SGIP1: variants seen among roughly 807,000 people sequenced by gnomAD.
SGIP1 encodes the protein SH3GL interacting endocytic adaptor 1, also known as SH3-containing GRB2-like protein 3-interacting protein 1.
In SGIP1, 38 loss-of-function variants were observed where a neutral mutation model predicts 107.5. The observed-to-expected ratio is 0.35, with a 90% CI of 0.27 to 0.46. The LOEUF (loss-of-function observed/expected upper bound fraction) is 0.46. Among genes scored for constraint, SGIP1 ranks in the 20% least tolerant of loss-of-function variants. The probability of loss-of-function intolerance (pLI) is 1.00; values close to 1 mark genes in which losing one functional copy is unlikely to be tolerated. For missense variants in SGIP1, 929 were observed against 1,019.5 expected (o/e 0.91, Z 1.21); for synonymous variants, 365 against 366.1 (o/e 1.00, Z 0.03).
At position 66,611,671 on chromosome 1, in the gene SGIP1, G is replaced by A. The variant is rs539392420; in HGVS notation, c.11-14176G>A. On this transcript the variant is annotated intron_variant, in intron 1 of 24. Coordinates refer to ENST00000371037, the MANE Select transcript of SGIP1 (RefSeq NM_032291.4). ...AAGGTGATAGCTTCATGCGATGGGA[G>A]AAGTCTATGTGAACAGATCGGATGG... Among the ~76,000 whole-genome samples, 61 of 152,208 alleles carry A rather than the reference G, an allele frequency of 4.0e-4. 1 individual carries two copies. Among genetic ancestry groups the A allele is most frequent in the Non-Finnish European group, 6.3e-4 (43 of 68,040 alleles).
intron 2 of SGIP1, among the ~76,000 whole-genome samples, chr1:66,630,677 A>G (rs2074080460): frequency 6.6e-6 from 1 of 150,430 alleles, no homozygotes; most frequent in Non-Finnish European, 1.5e-5. Flanking sequence ...GTGGTGATGC[A>G]TGCCTATAAT....
At chr1:66,700,370 CAA>C (rs34109375) in intron 18 of SGIP1, among the ~76,000 whole-genome samples, 6 of 82,956 alleles carry the variant, frequency 7.2e-5, no homozygotes, top group African/African-American at 1.4e-4. Context: ...GACTCCATCT[CAA>C]AAAAAAAAAA....
At chr1:66,584,128 G>A (rs1467307589) in intron 1 of SGIP1, among the ~76,000 whole-genome samples, 2 of 151,948 alleles carry the variant, frequency 1.3e-5, no homozygotes, top group East Asian at 1.9e-4. Context: ...TGTTGGTTTG[G>A]TGTCTACTTC....
chr1:66,626,934 A>G (rs1189774030), intron 2 of SGIP1, among the ~76,000 whole-genome samples: 2 of 152,152 alleles, frequency 1.3e-5, no homozygotes, highest in African/African-American at 4.8e-5. Context: ...TTCATTCTGT[A>G]TATTTTTATC....
At chr1:66,541,210 G>A (rs985295346) in intron 1 of SGIP1, among the ~76,000 whole-genome samples, 15 of 152,296 alleles carry the variant, frequency 9.8e-5, no homozygotes, top group Middle Eastern at 3.4e-3. Context: ...ATTCTGTATC[G>A]AATGCACACT....
intron 7 of SGIP1, among the ~76,000 whole-genome samples, chr1:66,659,960 AAGAAAGAAAG>A (rs1236357528): frequency 1.5e-4 from 6 of 41,076 alleles, no homozygotes; most frequent in Non-Finnish European, 2.0e-4. Flanking sequence ...AAAAGAAAGA[AAGAAAGAAAG>A]AAAGAAAGAA....
At chr1:66,711,805 A>C (rs603750) in intron 18 of SGIP1, among the ~76,000 whole-genome samples, 1 of 150,234 alleles carries the variant, frequency 6.7e-6, no homozygotes, top group East Asian at 1.9e-4. Flanking sequence ...TTGTGTTTTC[A>C]GGGTGACTGT....
chr1:66,693,009 T>G (rs2090195496), intron 17 of SGIP1, among the ~76,000 whole-genome samples: 1 of 152,194 alleles, frequency 6.6e-6, no homozygotes, highest in Non-Finnish European at 1.5e-5. Context: ...CCATTATTTT[T>G]TATACGACTA....
intron 20 of SGIP1, 107 bp downstream of exon 20, chr1:66,729,526 C>T (rs2093912645): frequency 7.4e-7 from 1 of 1,343,154 alleles, no homozygotes. Flanking sequence ...GTGAAATTAC[C>T]ACCACTCAGA....
chr1:66,625,095 C>T (rs1265703326), intron 1 of SGIP1, among the ~76,000 whole-genome samples: 2 of 152,120 alleles, frequency 1.3e-5, no homozygotes, highest in Non-Finnish European at 2.9e-5. Context: ...ATAGGTGATA[C>T]CATTTGATAT....
chr1:66,641,572 G>A (rs531719149), intron 5 of SGIP1, among the ~76,000 whole-genome samples: 1 of 152,230 alleles, frequency 6.6e-6, no homozygotes, highest in East Asian at 1.9e-4. Flanking sequence ...TTTGTTGGGT[G>A]TGTTTCCTTG....
chr1:66,616,957 G>A (rs1264280881), intron 1 of SGIP1, among the ~76,000 whole-genome samples: 1 of 152,094 alleles, frequency 6.6e-6, no homozygotes, highest in African/African-American at 2.4e-5. Context: ...TATTGCTAAT[G>A]GAGTGTGACC....
In SGIP1 at chr1:66,585,118, T is replaced by C. The variant is rs143264689; in HGVS notation, c.11-40729T>C. On this transcript the variant is annotated intron_variant, in intron 1 of 24. Transcript: ENST00000371037. ...TCTTCCCTCTGGGTCTATCTCCTGC[T>C]CTGTGCCTTTACCTCTGGTCACAGG... 3.9e-5 allele frequency among the ~76,000 whole-genome samples: 6 copies of C among 152,342 alleles called. No homozygotes were observed. The East Asian group carries it at 1.2e-3, about 29-fold the overall frequency.
At chr1:66,729,670 G>A (rs2483704) in intron 20 of SGIP1, among the ~76,000 whole-genome samples, 57,261 of 152,006 alleles carry the variant, frequency 0.38, 11,527 homozygotes, top group Non-Finnish European at 0.42. Context: ...AGAGAGACAG[G>A]GTAAGAAAAT....
intron 17 of SGIP1, among the ~76,000 whole-genome samples, chr1:66,693,975 G>A (rs11208949): frequency 0.16 from 23,829 of 152,220 alleles, 2,032 homozygotes; most frequent in East Asian, 0.28. Context: ...CATGTTAAAA[G>A]CATCTACTTT....
chr1:66,646,154 T>G (rs1013944560), intron 7 of SGIP1, among the ~76,000 whole-genome samples: 4 of 152,092 alleles, frequency 2.6e-5, no homozygotes, highest in African/African-American at 9.7e-5. Flanking sequence ...TACATATATT[T>G]TATAAATGAC....
At chr1:66,560,881 C>T (rs143751119) in intron 1 of SGIP1, among the ~76,000 whole-genome samples, 1 of 152,144 alleles carries the variant, frequency 6.6e-6, no homozygotes, top group East Asian at 1.9e-4. Context: ...GCATCTACCT[C>T]TCTTGGCCTT....
chr1:66,662,249 G>A (rs2081646575), intron 8 of SGIP1, among the ~76,000 whole-genome samples: 2 of 152,120 alleles, frequency 1.3e-5, no homozygotes, highest in Admixed American at 1.3e-4. Context: ...CACTCAATTT[G>A]CTAAAACGAG....
At chr1:66,618,824 A>G (rs982735381) in intron 1 of SGIP1, among the ~76,000 whole-genome samples, 1 of 152,208 alleles carries the variant, frequency 6.6e-6, no homozygotes, top group Non-Finnish European at 1.5e-5. Flanking sequence ...CACGAATCTT[A>G]TATGGAAAGT....
Sources: allele counts gnomAD v4.1 joint callset (sites outside exome capture counted in the v4.1 genomes callset), GRCh38; gene constraint gnomAD v4.1.1; transcripts MANE v1.5; gene names NCBI Gene and HGNC (gene_info 2026-07-23, HGNC 2026-07-21).